RBM33: variants seen among roughly 807,000 people sequenced by gnomAD.
The protein encoded by RBM33 is RNA-binding protein 33.
Under a neutral mutation model 132.6 loss-of-function variants are expected in RBM33, and 28 were observed. That is an observed-to-expected ratio of 0.21 (90% CI 0.16 to 0.29). RBM33 has a LOEUF of 0.29. Ranked by LOEUF, RBM33 falls within the 10% of genes least tolerant of loss-of-function variation. The probability of loss-of-function intolerance (pLI) is 1.00; values close to 1 mark genes in which losing one functional copy is unlikely to be tolerated. For missense variants in RBM33, 1,291 were observed against 1,518.5 expected (o/e 0.85, Z 2.49); for synonymous variants, 634 against 593.0 (o/e 1.07, Z -1.01).
rs971294430 is a variant in RBM33 at position 155,780,591 on chromosome 7, A to T, written c.*5550A>T. 1.3e-5 allele frequency: 2 copies of T among 152,312 alleles called. No individual in the cohort carries two copies. The highest frequency in any genetic ancestry group is 4.8e-5 in the African/African-American group (2 of 41,412). 9.4% of individuals were successfully genotyped at this position (152,312 alleles called of 1,614,324 possible). On this transcript the variant is annotated 3_prime_UTR_variant, in exon 18 of 18. Coordinates refer to ENST00000401878, the MANE Select transcript of RBM33 (RefSeq NM_053043.3). ...CCCATCTACCATTCTTAACACTGGT[A>T]GCTCCTGTCCCATTCCAAGACTCAC...
rs563914464 is a variant in RBM33 at position 155,749,395 on chromosome 7, G to A, written c.2979+3793G>A. On this transcript the variant is annotated intron_variant, in intron 14 of 17. Transcript: ENST00000401878. ...GAGGCTACGTAACCAGCCTAGGGCC[G>A]CCGCACACCTACTAGGTGGTAAAGC... Among the ~76,000 whole-genome samples the A allele has an allele frequency of 1.2e-3, 176 of 152,344 alleles. 1 individual carries two copies. The highest frequency in any genetic ancestry group is 4.1e-3 in the African/African-American group (169 of 41,584).
intron 5 of RBM33, among the ~76,000 whole-genome samples, chr7:155,688,130 C>T (rs1585439130): frequency 6.6e-6 from 1 of 152,022 alleles, no homozygotes; most frequent in African/African-American, 2.4e-5. Flanking sequence ...CTTCCATTTG[C>T]GTGTGTCCTC....
intron 7 of RBM33, among the ~76,000 whole-genome samples, 183 bp from the exon 8 acceptor site, chr7:155,711,020 A>G (rs1481813456): frequency 1.3e-5 from 2 of 151,864 alleles, no homozygotes; most frequent in Non-Finnish European, 2.9e-5. Context: ...GAAGTAGAGA[A>G]GCTTCTTTAT....
At chr7:155,658,813 T>C (rs1798563808) in intron 1 of RBM33, among the ~76,000 whole-genome samples, 1 of 152,226 alleles carries the variant, frequency 6.6e-6, no homozygotes, top group African/African-American at 2.4e-5. Context: ...GCAAGAACTG[T>C]TGGAAGCAAC....
chr7:155,739,814 C>T lies in RBM33; in HGVS notation c.1837C>T (p.His613Tyr). 7.9e-7 allele frequency: 1 copy of T among 1,273,716 alleles called. No homozygotes were observed. The highest frequency in any genetic ancestry group is 1.1e-6 in the Non-Finnish European group (1 of 918,322). 78.9% of individuals were successfully genotyped at this position (1,273,716 alleles called of 1,614,324 possible). Residue 613 changes from histidine (H) to tyrosine (Y), a missense_variant, in exon 12 of 18, where the codon CAC (histidine) becomes TAC (tyrosine). Physicochemically the swap from His to Tyr is moderately conservative, Grantham distance 83. Around this residue, in one of 7 missense-constraint regions of RBM33, gnomAD observed 841 missense variants for 912.0 expected, o/e 0.92. Transcript: ENST00000401878. ...PQHQPPHQPP[H>Y]QPPPQHQPPP... ...GCACCAGCCTCCGCACCAGCCCCCG[C>T]ACCAGCCCCCGCCCCAGCACCAGCC...
chr7:155,664,915 A>AC (rs1393154247), intron 1 of RBM33, among the ~76,000 whole-genome samples: 3 of 74,742 alleles, frequency 4.0e-5, no homozygotes, highest in Non-Finnish European at 6.2e-5. Context: ...ATAACATTTG[A>AC]GGTTTTTTTT....
chr7:155,651,259 A>G (rs1487874961), intron 1 of RBM33, among the ~76,000 whole-genome samples: 2 of 152,128 alleles, frequency 1.3e-5, no homozygotes, highest in African/African-American at 2.4e-5. Context: ...TAATTTTCAC[A>G]ACTTGATTGG....
chr7:155,688,536 G>A (rs1453562878), intron 5 of RBM33, among the ~76,000 whole-genome samples: 5 of 152,146 alleles, frequency 3.3e-5, no homozygotes, highest in Non-Finnish European at 2.9e-5. Context: ...GGTGAGAGAG[G>A]GCATCCCTGT....
At chr7:155,648,535 C>G (rs1188255521) in intron 1 of RBM33, among the ~76,000 whole-genome samples, 1 of 152,022 alleles carries the variant, frequency 6.6e-6, no homozygotes, top group South Asian at 2.1e-4. Flanking sequence ...TAAAATTTAC[C>G]TGGTAGGAAA....
In RBM33 at chr7:155,781,000, C is replaced by G. The variant is rs1252188868; in HGVS notation, c.*5959C>G. 6.5e-6 allele frequency: 1 copy of G among 152,802 alleles called. No individual in the cohort carries two copies. The highest frequency in any genetic ancestry group is 1.5e-5 in the Non-Finnish European group (1 of 68,106). 9.5% of individuals were successfully genotyped at this position (152,802 alleles called of 1,614,324 possible). On this transcript the variant is annotated 3_prime_UTR_variant, in exon 18 of 18. Transcript: ENST00000401878. ...CCGCCCCTCTGCTTTCGCAGGAGCT[C>G]TTGTGCTTGAGTTCAGTGTTAGTGG... is the stretch of plus-strand genomic sequence containing the variant.
At chr7:155,652,428 G>T (rs1414839675) in intron 1 of RBM33, among the ~76,000 whole-genome samples, 1 of 152,182 alleles carries the variant, frequency 6.6e-6, no homozygotes, top group African/African-American at 2.4e-5. Context: ...GCCCTACTTG[G>T]CCCATGGGCT....
At chr7:155,718,681 G>A (rs943585401) in intron 9 of RBM33, among the ~76,000 whole-genome samples, 1 of 152,112 alleles carries the variant, frequency 6.6e-6, no homozygotes, top group African/African-American at 2.4e-5. Context: ...GTGGAATGCC[G>A]TTCGTCTTAA....
At chr7:155,764,243 C>A (rs1802140542) in intron 15 of RBM33, among the ~76,000 whole-genome samples, 1 of 152,206 alleles carries the variant, frequency 6.6e-6, no homozygotes, top group Non-Finnish European at 1.5e-5. Flanking sequence ...CACCCGCAGC[C>A]AGCCAGGAGT....
chr7:155,708,203 C>T (rs1800171967), intron 7 of RBM33, among the ~76,000 whole-genome samples: 1 of 152,196 alleles, frequency 6.6e-6, no homozygotes, highest in Non-Finnish European at 1.5e-5. Context: ...AATTCCAACT[C>T]TGATATGTAA....
chr7:155,725,213 T>G (rs1160972562), intron 9 of RBM33, among the ~76,000 whole-genome samples: 66 of 148,556 alleles, frequency 4.4e-4, no homozygotes, highest in Non-Finnish European at 7.3e-4. Context: ...GTTTTTTTTT[T>G]TTTTTTTTTT....
intron 1 of RBM33, 62 bp downstream of exon 1, chr7:155,644,981 CGGGG>C: frequency 7.7e-7 from 1 of 1,303,972 alleles, no homozygotes; most frequent in Non-Finnish European, 1.0e-6. Flanking sequence ...GGGTGTAGGC[CGGGG>C]GGCCTCCCCG....
intron 14 of RBM33, among the ~76,000 whole-genome samples, chr7:155,749,931 A>G (rs1040317681): frequency 2.6e-5 from 4 of 152,262 alleles, no homozygotes; most frequent in African/African-American, 7.2e-5. Context: ...TTGAAGGGAA[A>G]TATTAGGGGA....
chr7:155,661,388 GTT>G (rs572322156), intron 1 of RBM33, among the ~76,000 whole-genome samples: 3,533 of 138,242 alleles, frequency 0.026, 129 homozygotes, highest in African/African-American at 0.087. Context: ...TCCTGAAGTG[GTT>G]TTTTTTTTTT....
chr7:155,691,452 T>G (rs1255322748), intron 5 of RBM33, among the ~76,000 whole-genome samples: 1 of 152,214 alleles, frequency 6.6e-6, no homozygotes, highest in East Asian at 1.9e-4. Flanking sequence ...TATTTTGAAG[T>G]TGGAAAACTA....
Sources: gnomAD v4.1 joint callset for allele counts (sites outside exome capture counted in the v4.1 genomes callset) on GRCh38, gnomAD v4.1.1 for gene constraint, gnomAD v4.1.1 regional missense constraint, MANE v1.5 for transcripts, NCBI Gene and HGNC (gene_info 2026-07-23, HGNC 2026-07-21) for gene names.